Variants in SPAG16 observed in about 807,000 individuals in gnomAD.
The protein encoded by SPAG16 is sperm associated antigen 16.
Under a neutral mutation model 80.4 loss-of-function variants are expected in SPAG16, and 86 were observed. That is an observed-to-expected ratio of 1.07 (90% CI 0.90 to 1.28). SPAG16 has a LOEUF of 1.28. Among genes scored for constraint, SPAG16 ranks in the 50% most tolerant of loss-of-function variants. The pLI is 0.00. For synonymous variants in SPAG16, 294 were observed against 265.9 expected (o/e 1.11, Z -1.03); for missense variants, 870 against 765.3 (o/e 1.14, Z -1.61).
intron 3 of SPAG16, 81 bp downstream of exon 3, chr2:213,297,438 A>G (rs1041880115): frequency 7.9e-6 from 6 of 760,958 alleles, no homozygotes; most frequent in Non-Finnish European, 1.3e-5. Flanking sequence ...TTTAAATGTA[A>G]ATACTAGTGT....
intron 15 of SPAG16, among the ~76,000 whole-genome samples, chr2:214,317,091 C>T (rs991432597): frequency 5.3e-5 from 8 of 152,178 alleles, no homozygotes; most frequent in Non-Finnish European, 1.0e-4. Context: ...TTCCTGAATG[C>T]AAATTGCAGG....
At chr2:213,630,567 A>G (rs1037344631) in intron 10 of SPAG16, among the ~76,000 whole-genome samples, 3 of 152,144 alleles carry the variant, frequency 2.0e-5, no homozygotes, top group Non-Finnish European at 4.4e-5. Flanking sequence ...GTAATTCTAC[A>G]ATTTTAAGAG....
chr2:213,929,105 C>A (rs1018640939), intron 11 of SPAG16, among the ~76,000 whole-genome samples: 1 of 140,732 alleles, frequency 7.1e-6, no homozygotes, highest in East Asian at 2.2e-4. Flanking sequence ...CCTCTGTCCC[C>A]GGGGTTCAAG....
At chr2:213,561,635 G>A (rs907081390) in intron 10 of SPAG16, among the ~76,000 whole-genome samples, 3 of 152,092 alleles carry the variant, frequency 2.0e-5, no homozygotes, top group Admixed American at 6.6e-5. Flanking sequence ...CACACATGAA[G>A]AGCAATAGGA....
intron 7 of SPAG16, among the ~76,000 whole-genome samples, chr2:213,362,912 C>T (rs1575368440): frequency 6.6e-6 from 1 of 152,278 alleles, no homozygotes. Flanking sequence ...CTAGGCCCCA[C>T]CTCCAACACT....
chr2:213,742,479 C>G (rs537188754), intron 10 of SPAG16, among the ~76,000 whole-genome samples: 2 of 151,828 alleles, frequency 1.3e-5, no homozygotes, highest in Non-Finnish European at 2.9e-5. Flanking sequence ...CCACTGATCA[C>G]CTCACATAAA....
At chr2:214,361,461 C>T (rs1005606872) in intron 15 of SPAG16, among the ~76,000 whole-genome samples, 2 of 151,832 alleles carry the variant, frequency 1.3e-5, no homozygotes, top group Non-Finnish European at 2.9e-5. Flanking sequence ...TATAGAGTCA[C>T]ATTAAATGTG....
chr2:213,447,959 G>A (rs553930196), intron 9 of SPAG16, among the ~76,000 whole-genome samples: 65 of 152,316 alleles, frequency 4.3e-4, no homozygotes, highest in Admixed American at 1.7e-3. Flanking sequence ...GAGATTTGTT[G>A]TTACTTTAAT....
intron 10 of SPAG16, among the ~76,000 whole-genome samples, chr2:213,577,589 A>G (rs1027087612): frequency 6.6e-6 from 1 of 152,174 alleles, no homozygotes; most frequent in Non-Finnish European, 1.5e-5. Flanking sequence ...TTATAGGAGG[A>G]TCCAATCCTG....
chr2:214,187,049 C>T (rs147229753), intron 15 of SPAG16, among the ~76,000 whole-genome samples: 10 of 152,278 alleles, frequency 6.6e-5, no homozygotes, highest in African/African-American at 2.4e-4. Context: ...CAGGCATGAG[C>T]CACTGCACCT....
intron 10 of SPAG16, among the ~76,000 whole-genome samples, chr2:213,538,840 T>C (rs1274577916): frequency 6.6e-6 from 1 of 152,136 alleles, no homozygotes; most frequent in East Asian, 1.9e-4. Flanking sequence ...TTTATCTATC[T>C]ATTATCTATC....
intron 10 of SPAG16, among the ~76,000 whole-genome samples, chr2:213,778,737 A>G (rs990973029): frequency 6.6e-6 from 1 of 152,044 alleles, no homozygotes; most frequent in Admixed American, 6.6e-5. Context: ...CACTATCTCT[A>G]GTTCTTTGGC....
At chr2:214,095,583 G>C (rs2052536425) in intron 13 of SPAG16, among the ~76,000 whole-genome samples, 3 of 152,072 alleles carry the variant, frequency 2.0e-5, no homozygotes, top group African/African-American at 7.2e-5. Context: ...TTATATTTCA[G>C]GGTTTTTCCT....
intron 10 of SPAG16, among the ~76,000 whole-genome samples, chr2:213,597,931 A>G (rs1448025319): frequency 1.3e-5 from 2 of 152,272 alleles, no homozygotes; most frequent in Middle Eastern, 3.4e-3. Flanking sequence ...AATTTTGGAA[A>G]GATTAACTGA....
rs145465479 is a variant in SPAG16, at chr2:214,315,501, TTTTATTTATTTATTTATTTA to T, written c.1721-94611_1721-94592del. Among the ~76,000 whole-genome samples the T allele has an allele frequency of 6.0e-4, 86 of 144,256 alleles. No homozygotes were observed. In the South Asian group the frequency reaches 0.014, roughly 23 times the overall value. The allele number at this position is 144,256 out of a possible 152,430, so 94.6% of individuals were successfully genotyped here. A position where few individuals can be genotyped will look rare whatever the true frequency, so the allele number is the denominator to read the frequency against. ...TTCTTCCCCCCTCCAGCCCCATCTTTTTTATTTATTTATTTATTTATTTATTTATTTATTTATTTATTTAT... is the reference window on the plus strand; with the variant it reads ...TTCTTCCCCCCTCCAGCCCCATCTTTTTTATTTATTTATTTATTTATTTAT... On this transcript the variant is annotated intron_variant, in intron 15 of 15. Transcript: ENST00000331683.
At chr2:213,866,178 G>A (rs1221982239) in intron 11 of SPAG16, among the ~76,000 whole-genome samples, 2 of 151,696 alleles carry the variant, frequency 1.3e-5, no homozygotes, top group African/African-American at 2.4e-5. Context: ...GTAATTTTTA[G>A]TTTCATTACC....
chr2:213,768,908 A>C (rs2069096439), intron 10 of SPAG16, among the ~76,000 whole-genome samples: 1 of 152,204 alleles, frequency 6.6e-6, no homozygotes, highest in Non-Finnish European at 1.5e-5. Context: ...GTAAGTCAGG[A>C]GAAGGCTATA....
In SPAG16 at chr2:213,554,649, A is replaced by C. The variant is rs1378674155; in HGVS notation, c.1070+64559A>C. On this transcript the variant is annotated intron_variant, in intron 10 of 15. Transcript: ENST00000331683. ...ATAAGAAAAATAATAAGCAACAAAA[A>C]TGATAGAGAAATCAAAATTATAAAA... 2.0e-5 allele frequency among the ~76,000 whole-genome samples: 3 copies of C among 152,104 alleles called. 1 individual carries two copies. Among genetic ancestry groups the C allele is most frequent in the African/African-American group, 4.8e-5 (2 of 41,446 alleles).
At chr2:214,072,464 A>T (rs1377174454) in intron 13 of SPAG16, among the ~76,000 whole-genome samples, 2 of 152,114 alleles carry the variant, frequency 1.3e-5, no homozygotes, top group Non-Finnish European at 2.9e-5. Flanking sequence ...CCTTGAGTAC[A>T]AATCATTTTC....
Sources: gnomAD v4.1 joint callset for allele counts (sites outside exome capture counted in the v4.1 genomes callset) on GRCh38, gnomAD v4.1.1 for gene constraint, MANE v1.5 for transcripts, NCBI Gene and HGNC (gene_info 2026-07-23, HGNC 2026-07-21) for gene names.